The following RNF157 variants were observed in gnomAD, a reference collection of about 807,000 sequenced individuals.
RNF157 encodes ring finger protein 157.
In RNF157, 55 loss-of-function variants were observed where a neutral mutation model predicts 88.3. That is an observed-to-expected ratio of 0.62 (90% CI 0.50 to 0.78). RNF157 has a LOEUF of 0.78. RNF157 is among the 30% of genes least tolerant of loss of function. RNF157 has a pLI of 0.00. For synonymous variants in RNF157, 334 were observed against 341.2 expected (o/e 0.98, Z 0.23); for missense variants, 788 against 860.8 (o/e 0.92, Z 1.06).
intron 2 of RNF157, among the ~76,000 whole-genome samples, chr17:76,175,213 T>C (rs2069085437): frequency 6.6e-6 from 1 of 152,220 alleles, no homozygotes; most frequent in African/African-American, 2.4e-5. Flanking sequence ...ACATTGCAGA[T>C]AATAGCATAC....
In RNF157 at chr17:76,146,395, C is replaced by G; in HGVS notation, c.1922-1042G>C. On this transcript the variant is annotated intron_variant, in intron 18 of 18. Coordinates refer to ENST00000269391, the MANE Select transcript of RNF157 (RefSeq NM_052916.3). The surrounding 1 kb of genome is among the most constrained non-coding windows in gnomAD (Gnocchi z 4.2). ...CAGGCTCCTCCAGGCCATCTCGCCTCTCCCCTGGGAGTCCTCTTCATCTCC... is the reference window on the plus strand; with the variant it reads ...CAGGCTCCTCCAGGCCATCTCGCCTGTCCCCTGGGAGTCCTCTTCATCTCC... 9.1e-6 allele frequency: 9 copies of G among 985,624 alleles called. No individual in the cohort carries two copies. Among genetic ancestry groups the G allele is most frequent in the Non-Finnish European group, 1.1e-5 (9 of 830,058 alleles). The allele number at this position is 985,624 out of a possible 1,614,324, so 61.1% of individuals were successfully genotyped here. A position where few individuals can be genotyped will look rare whatever the true frequency, so the allele number is the denominator to read the frequency against.
intron 8 of RNF157, 152 bp from the exon 9 acceptor site, chr17:76,162,775 T>C (rs1421583094): frequency 1.9e-6 from 1 of 524,272 alleles, no homozygotes; most frequent in Non-Finnish European, 3.3e-6. Flanking sequence ...AAAGATGCTT[T>C]TATTTACTTA....
At chr17:76,221,382 C>T (rs1043616500) in intron 1 of RNF157, among the ~76,000 whole-genome samples, 2 of 152,030 alleles carry the variant, frequency 1.3e-5, no homozygotes, top group African/African-American at 4.8e-5. Context: ...ACCAGTTAAC[C>T]ACCAGCTTAT....
rs576967257 is a variant in RNF157 at position 76,225,782 on chromosome 17, C to T, written c.89-13300G>A. 107 of 1,548,534 alleles carry T rather than the reference C, an allele frequency of 6.9e-5. 1 individual carries two copies. In the South Asian group the frequency reaches 1.0e-3, roughly 15 times the overall value. On this transcript the variant is annotated intron_variant, in intron 1 of 18. Transcript: ENST00000269391. ...GACCCTTTTCTTCCCCCTTGCCTTG[C>T]GGACCTCTTCTATCAAATCTTTCAG... is the stretch of plus-strand genomic sequence containing the variant.
intron 3 of RNF157, among the ~76,000 whole-genome samples, chr17:76,169,983 G>C (rs11077805): frequency 6.6e-6 from 1 of 152,298 alleles, no homozygotes; most frequent in Admixed American, 6.5e-5. Context: ...TTGTATTTAA[G>C]ATATTTAAAC....
rs1055721673 is a variant in RNF157, at chr17:76,155,628, A to C, written c.1632T>G (p.Thr544=). The C allele has an allele frequency of 1.9e-6, 3 of 1,613,818 alleles. No individual in the cohort carries two copies. The highest frequency in any genetic ancestry group is 1.7e-6 in the Non-Finnish European group (2 of 1,179,940). The change falls in exon 15 of 19, where the codon ACT becomes ACG. Residue 544 remains threonine (T), a synonymous_variant. Transcript: ENST00000269391. ...SMSGSYIAPG[T]EEEGEALSSP... ...AAGAGAGAGCCTCTCCCTCCTCTTC[A>C]GTGCCAGGGGCGATGTAGGAGCCAG...
chr17:76,146,470 G>C lies in RNF157; in HGVS notation c.1922-1117C>G. 1 of 985,690 alleles carries C rather than the reference G, an allele frequency of 1.0e-6. No homozygotes were observed. The highest frequency in any genetic ancestry group is 1.2e-6 in the Non-Finnish European group (1 of 830,146). The allele number at this position is 985,690 out of a possible 1,614,324, so 61.1% of individuals were successfully genotyped here. A position where few individuals can be genotyped will look rare whatever the true frequency, so the allele number is the denominator to read the frequency against. On this transcript the variant is annotated intron_variant, in intron 18 of 18. Transcript: ENST00000269391. This position sits in a 1 kb window ranked among gnomAD's most constrained non-coding sequence, Gnocchi z 4.2. The stretch of plus-strand genomic sequence containing the variant: ...CAGTGCCCTCCCTCCAGTGAGGCTA[G>C]GGCGCTCCTGCCTTGGGCCTCGGCT...
chr17:76,151,932 A>G (rs1671250240), intron 18 of RNF157, among the ~76,000 whole-genome samples: 1 of 152,134 alleles, frequency 6.6e-6, no homozygotes, highest in South Asian at 2.1e-4. Flanking sequence ...GCTGAAACAC[A>G]TTTCTTCTGA....
Position 76,164,641 on chromosome 17 carries a change from C to T in RNF157, c.720+107G>A, listed in dbSNP as rs563788052. On this transcript the variant is annotated intron_variant, in intron 8 of 18. Transcript: ENST00000269391. ...AAAAAAAAAGAGGAAAAGGAGAGAG[C>T]AAAAAGTAAAACAAAAATAAAAAAA... 7 of 577,118 alleles carry T rather than the reference C, an allele frequency of 1.2e-5. No individual in the cohort carries two copies. In the South Asian group the frequency reaches 2.0e-4, roughly 16 times the overall value. 35.7% of individuals were successfully genotyped at this position (577,118 alleles called of 1,614,324 possible).
In RNF157 at chr17:76,159,498, G is replaced by A. The variant is rs774582888; in HGVS notation, c.1141C>T (p.Pro381Ser). 1.6e-5 allele frequency: 26 copies of A among 1,608,754 alleles called. No individual in the cohort carries two copies. Among genetic ancestry groups the A allele is most frequent in the East Asian group, 2.2e-5 (1 of 44,692 alleles). The change falls in exon 12 of 19, where the codon CCA becomes TCA. Residue 381 changes from proline (P) to serine (S), a missense_variant. Transcript: ENST00000269391. ...AGCACGTGAAGTGGAGGAACTGCTG[G>A]GGACGGGGTGAGGGGCCCGTTGAGG... ...EALNGPLTPS[P>S]AVPPLHVLGD...
At chr17:76,184,105 C>T (rs781160723) in intron 2 of RNF157, among the ~76,000 whole-genome samples, 12 of 150,960 alleles carry the variant, frequency 7.9e-5, no homozygotes, top group Non-Finnish European at 1.5e-4. Context: ...GCAAGATAAT[C>T]ACTTGAACCT....
intron 14 of RNF157, 93 bp from the exon 15 acceptor site, chr17:76,155,827 C>T (rs1248195829): frequency 2.6e-6 from 3 of 1,157,466 alleles, no homozygotes; most frequent in African/African-American, 1.6e-5. Flanking sequence ...TGCATTCAGG[C>T]ATTGAGGAGT....
intron 2 of RNF157, among the ~76,000 whole-genome samples, chr17:76,182,812 T>G (rs1191432746): frequency 1.6e-5 from 2 of 125,444 alleles, no homozygotes; most frequent in African/African-American, 3.5e-5. Context: ...ATGAGAGAGA[T>G]ATATATCCTA....
Position 76,146,965 on chromosome 17 carries a change from G to C in RNF157, c.1922-1612C>G. 4 of 985,420 alleles carry C rather than the reference G, an allele frequency of 4.1e-6. No homozygotes were observed. Among genetic ancestry groups the C allele is most frequent in the Non-Finnish European group, 4.8e-6 (4 of 829,934 alleles). 61.0% of individuals were successfully genotyped at this position (985,420 alleles called of 1,614,324 possible). A position where few individuals can be genotyped will look rare whatever the true frequency, so the allele number is the denominator to read the frequency against. ...ATGGCTTATTTCCATCAATGCCTTG[G>C]TGTGCTAATCCACCTCAGGCTCTAG... On this transcript the variant is annotated intron_variant, in intron 18 of 18. Transcript: ENST00000269391. The surrounding 1 kb of genome is among the most constrained non-coding windows in gnomAD (Gnocchi z 4.2).
At chr17:76,175,394 T>G (rs1195606576) in intron 2 of RNF157, among the ~76,000 whole-genome samples, 1 of 152,214 alleles carries the variant, frequency 6.6e-6, no homozygotes, top group African/African-American at 2.4e-5. Flanking sequence ...AGCATATTTT[T>G]AAGACTTTAA....
At chr17:76,190,451 G>A (rs978256660) in intron 2 of RNF157, among the ~76,000 whole-genome samples, 6 of 151,942 alleles carry the variant, frequency 3.9e-5, no homozygotes, top group African/African-American at 1.5e-4. Flanking sequence ...ACAGGTGTGA[G>A]CCACTGTGCT....
chr17:76,167,231 G>A (rs777004876), intron 4 of RNF157, 105 bp from the exon 5 acceptor site: 4 of 847,126 alleles, frequency 4.7e-6, no homozygotes, highest in South Asian at 1.5e-5. Context: ...AGGGTCTAGC[G>A]AAGAGAAGAA....
chr17:76,163,611 C>T (rs1339542083), intron 8 of RNF157: 1 of 152,318 alleles, frequency 6.6e-6, no homozygotes, highest in Non-Finnish European at 1.5e-5. Context: ...ACTCTTCTGC[C>T]TCACCTCTGT....
rs776487631 is a variant in RNF157 at position 76,158,380 on chromosome 17, G to A, written c.1413+13C>T. On this transcript the variant is annotated intron_variant, in intron 13 of 18. Coordinates refer to ENST00000269391, the MANE Select transcript of RNF157 (RefSeq NM_052916.3). ...AGTACAACACCCAAGAAGAGGAGAGGAATGTCAATTACCTCTCCGAGATGC... is the reference window on the plus strand; with the variant it reads ...AGTACAACACCCAAGAAGAGGAGAGAAATGTCAATTACCTCTCCGAGATGC... 7.6e-6 allele frequency: 12 copies of A among 1,570,924 alleles called. No homozygotes were observed. Among genetic ancestry groups the A allele is most frequent in the Non-Finnish European group, 9.6e-6 (11 of 1,141,814 alleles).
Sources: allele counts gnomAD v4.1 joint callset (sites outside exome capture counted in the v4.1 genomes callset), GRCh38; gene constraint gnomAD v4.1.1; non-coding constraint Gnocchi (gnomAD v3.1); transcripts MANE v1.5; gene names NCBI Gene and HGNC (gene_info 2026-07-23, HGNC 2026-07-21).